The following AGR3 variants were observed in gnomAD, a reference collection of about 807,000 sequenced individuals.
AGR3 encodes anterior gradient 3, protein disulphide isomerase family member, also known as anterior gradient protein 3.
A neutral mutation model predicts 24.5 loss-of-function variants in AGR3; 37 were observed. The observed-to-expected ratio is 1.51, with a 90% CI of 1.16 to 1.99. The LOEUF is 1.99. Among genes scored for constraint, AGR3 ranks in the 30% most tolerant of loss-of-function variants. The pLI is 0.00. For missense variants in AGR3, 228 were observed against 191.1 expected (o/e 1.19, Z -1.14); for synonymous variants, 75 against 61.6 (o/e 1.22, Z -1.02).
At chr7:16,875,265 C>T (rs976822690) in intron 2 of AGR3, among the ~76,000 whole-genome samples, 2 of 152,132 alleles carry the variant, frequency 1.3e-5, no homozygotes, top group Admixed American at 6.5e-5. Context: ...TCCCCATTTT[C>T]TTCAAATGCC....
intron 3 of AGR3, chr7:16,864,969 G>T (rs1310623769): frequency 3.0e-6 from 3 of 985,764 alleles, no homozygotes; most frequent in Non-Finnish European, 4.9e-6. Context: ...AATTAAATAA[G>T]TCTCCTGGCA....
In AGR3 at chr7:16,859,486, A is replaced by C; in HGVS notation, c.*96T>G. ...AAAAACTAAATAGTAATATTACAAAATCTATATACTTGCACATTTAGTATT... is the reference window on the plus strand; with the variant it reads ...AAAAACTAAATAGTAATATTACAAACTCTATATACTTGCACATTTAGTATT... On this transcript the variant is annotated 3_prime_UTR_variant, in exon 8 of 8. Coordinates refer to ENST00000310398, the MANE Select transcript of AGR3 (RefSeq NM_176813.5). 1 of 788,412 alleles carries C rather than the reference A, an allele frequency of 1.3e-6. No individual in the cohort carries two copies. Among genetic ancestry groups the C allele is most frequent in the Non-Finnish European group, 2.0e-6 (1 of 495,850 alleles). The allele number at this position is 788,412 out of a possible 1,614,324, so 48.8% of individuals were successfully genotyped here. A position where few individuals can be genotyped will look rare whatever the true frequency, so the allele number is the denominator to read the frequency against.
At chr7:16,871,319 C>A (rs1458424264) in intron 3 of AGR3, among the ~76,000 whole-genome samples, 1 of 152,260 alleles carries the variant, frequency 6.6e-6, no homozygotes, top group Non-Finnish European at 1.5e-5. Flanking sequence ...AAAATGTATT[C>A]TAATAGCAAC....
At chr7:16,864,168 G>T in intron 3 of AGR3, 1 of 692,372 alleles carries the variant, frequency 1.4e-6, no homozygotes, top group Non-Finnish European at 2.3e-6. Flanking sequence ...AAACTGTTGT[G>T]TAATTCATCA....
At chr7:16,856,838 T>TACAC (rs111311358), downstream of AGR3, among the ~76,000 whole-genome samples, 32 of 149,836 alleles carry the variant, frequency 2.1e-4, no homozygotes, top group South Asian at 8.4e-4. Context: ...CCTATATGTA[T>TACAC]ACACACACAC....
At chr7:16,879,850 G>A (rs1033987627) in intron 1 of AGR3, among the ~76,000 whole-genome samples, 6 of 152,304 alleles carry the variant, frequency 3.9e-5, no homozygotes, top group African/African-American at 7.2e-5. Context: ...AACCGCAGTC[G>A]TGGAGGAGAA....
chr7:16,878,800 A>AT (rs1180349365), intron 1 of AGR3, among the ~76,000 whole-genome samples, 155 bp from the exon 2 acceptor site: 2 of 152,226 alleles, frequency 1.3e-5, no homozygotes, highest in African/African-American at 4.8e-5. Context: ...TTTCATTCAC[A>AT]TTTTATTTTT....
intron 3 of AGR3, chr7:16,865,744 G>A (rs1176072013): frequency 1.3e-6 from 1 of 757,022 alleles, no homozygotes; most frequent in Non-Finnish European, 2.5e-6. Context: ...GAGACTGATA[G>A]GGAAACATAT....
intron 3 of AGR3, chr7:16,864,785 C>T (rs1781721409): frequency 5.8e-6 from 6 of 1,043,416 alleles, no homozygotes; most frequent in East Asian, 2.4e-5. Context: ...GCATATCCTC[C>T]GGCTTTGTTG....
chr7:16,877,786 C>A (rs1275310494), intron 2 of AGR3, among the ~76,000 whole-genome samples: 2 of 149,974 alleles, frequency 1.3e-5, no homozygotes, highest in Admixed American at 6.7e-5. Context: ...TGGCGTGAAC[C>A]CGGGAGGCAG....
At chr7:16,870,682 A>G (rs1480158537) in intron 3 of AGR3, among the ~76,000 whole-genome samples, 2 of 152,162 alleles carry the variant, frequency 1.3e-5, no homozygotes, top group African/African-American at 4.8e-5. Context: ...CCTTATAAAT[A>G]TTAAATTATT....
At chr7:16,880,940 G>A (rs932350447) in intron 1 of AGR3, among the ~76,000 whole-genome samples, 1 of 152,068 alleles carries the variant, frequency 6.6e-6, no homozygotes, top group African/African-American at 2.4e-5. Flanking sequence ...CTGTGGCTGA[G>A]CTACAGAAGG....
intron 2 of AGR3, among the ~76,000 whole-genome samples, chr7:16,877,536 TTC>T (rs1211445271): frequency 1.3e-5 from 2 of 151,864 alleles, no homozygotes; most frequent in African/African-American, 4.8e-5. Context: ...CTGTTCCTAC[TTC>T]TGTTACTTAG....
intron 2 of AGR3, among the ~76,000 whole-genome samples, chr7:16,876,696 C>A (rs1318931921): frequency 6.6e-6 from 1 of 152,186 alleles, no homozygotes; most frequent in Admixed American, 6.5e-5. Flanking sequence ...GTGTTCTCAG[C>A]TAATATCAGT....
chr7:16,871,764 C>T (rs1781868990), intron 3 of AGR3, among the ~76,000 whole-genome samples: 1 of 152,092 alleles, frequency 6.6e-6, no homozygotes, highest in African/African-American at 2.4e-5. Context: ...ATCACTGGAA[C>T]CTGGGAGGCA....
intron 3 of AGR3, among the ~76,000 whole-genome samples, chr7:16,871,452 G>A (rs1484895296): frequency 6.6e-6 from 1 of 152,000 alleles, no homozygotes; most frequent in Non-Finnish European, 1.5e-5. Flanking sequence ...AACGGAGAGT[G>A]GAGGATACAA....
At chr7:16,876,865 G>T (rs10270052) in intron 2 of AGR3, among the ~76,000 whole-genome samples, 1 of 152,050 alleles carries the variant, frequency 6.6e-6, no homozygotes, top group Non-Finnish European at 1.5e-5. Context: ...ATGCCTTGAC[G>T]TATAGTTATC....
Position 16,861,994 on chromosome 7 carries a change from A to G in AGR3, c.293T>C (p.Leu98Pro). 1 of 1,610,828 alleles carries G rather than the reference A, an allele frequency of 6.2e-7. No homozygotes were observed. The highest frequency in any genetic ancestry group is 1.1e-5 in the South Asian group (1 of 90,992). The part of the protein sequence containing the change: ...QEMAQNKFIM[L>P]NLMHETTDKN... ...ACAAAGTTTATGTACCATAAGGTTTAGCATGATGAACTTATTCTGAGCCAT... is the reference window on the plus strand; with the variant it reads ...ACAAAGTTTATGTACCATAAGGTTTGGCATGATGAACTTATTCTGAGCCAT... Residue 98 changes from leucine (L) to proline (P), a missense_variant, in exon 5 of 8, where the codon CTA (leucine) becomes CCA (proline). Physicochemically the swap from Leu to Pro is moderately conservative, Grantham distance 98. Coordinates refer to ENST00000310398, the MANE Select transcript of AGR3 (RefSeq NM_176813.5).
downstream of AGR3, among the ~76,000 whole-genome samples, chr7:16,858,390 T>C (rs1320911941): frequency 6.6e-6 from 1 of 152,138 alleles, no homozygotes; most frequent in Non-Finnish European, 1.5e-5. Context: ...TTTAAATAAA[T>C]AGAAGACATG....
Sources: allele counts gnomAD v4.1 joint callset (sites outside exome capture counted in the v4.1 genomes callset), GRCh38; gene constraint gnomAD v4.1.1; transcripts MANE v1.5; gene names NCBI Gene and HGNC (gene_info 2026-07-23, HGNC 2026-07-21).